MTMR9: variants seen among roughly 807,000 people sequenced by gnomAD.
The protein encoded by MTMR9 is myotubularin related protein 9.
MTMR9 carries 39 observed loss-of-function variants against 69.5 expected under a neutral mutation model. The observed-to-expected ratio is 0.56, with a 90% CI of 0.43 to 0.73. MTMR9 has a LOEUF of 0.73. Among genes scored for constraint, MTMR9 ranks in the 30% least tolerant of loss-of-function variants. The probability of loss-of-function intolerance (pLI) is 0.00; values close to 1 mark genes in which losing one functional copy is unlikely to be tolerated. For missense variants in MTMR9, 900 were observed against 671.2 expected, an observed-to-expected ratio of 1.34 and a Z score of -3.77; for synonymous variants, 354 against 240.8, an observed-to-expected ratio of 1.47 and a Z score of -4.35.
At chr8:11,337,396 C>T in the MTMR9 span, among the ~76,000 whole-genome samples, 1 of 152,324 alleles carries the variant, frequency 6.6e-6, no homozygotes, top group East Asian at 1.9e-4. Context: ...TCTTAACGTT[C>T]TCCAGACCAT....
chr8:11,285,564 T>G (rs1201386536), intron 1 of MTMR9, among the ~76,000 whole-genome samples: 1 of 152,232 alleles, frequency 6.6e-6, no homozygotes, highest in African/African-American at 2.4e-5. Context: ...ATTTCTTACC[T>G]TCTGGGTCAT....
intron 5 of MTMR9, among the ~76,000 whole-genome samples, chr8:11,306,819 G>C (rs529353380): frequency 5.3e-5 from 8 of 152,124 alleles, no homozygotes; most frequent in African/African-American, 1.7e-4. Flanking sequence ...GTGAAACTTT[G>C]TTGTTACCTT....
Position 11,306,311 on chromosome 8 carries a change from C to G in MTMR9, c.713C>G (p.Ser238Cys). 6.2e-7 allele frequency: 1 copy of G among 1,614,084 alleles called. No individual in the cohort carries two copies. Among genetic ancestry groups the G allele is most frequent in the Non-Finnish European group, 8.5e-7 (1 of 1,179,956 alleles). ...GKRGYIIDTR[S>C]LNVAQQTRAK... is the part of the protein sequence containing the mutation. The stretch of plus-strand genomic sequence containing the variant: ...CGTGGCTACATCATTGACACCCGAT[C>G]CCTGAACGTGGCTCAGCAAACTAGA... Residue 238 changes from serine (S) to cysteine (C), a missense_variant, in exon 5 of 10, where the codon TCC becomes TGC. Coordinates refer to ENST00000221086, the MANE Select transcript of MTMR9 (RefSeq NM_015458.4).
At chr8:11,319,595 C>T in intron 8 of MTMR9, 92 bp from the exon 9 acceptor site, 1 of 1,310,448 alleles carries the variant, frequency 7.6e-7, no homozygotes, top group Non-Finnish European at 1.1e-6. Flanking sequence ...TATCTTCTTT[C>T]ATACTGAGAA....
At chr8:11,304,412 A>G (rs1423912691) in intron 3 of MTMR9, among the ~76,000 whole-genome samples, 3 of 152,214 alleles carry the variant, frequency 2.0e-5, no homozygotes, top group Admixed American at 6.5e-5. Context: ...AGGAAGAAGT[A>G]GGATGATGTT....
chr8:11,314,050 A>G (rs1300266665), intron 6 of MTMR9, among the ~76,000 whole-genome samples: 2 of 152,228 alleles, frequency 1.3e-5, no homozygotes, highest in African/African-American at 4.8e-5. Flanking sequence ...ATGACTTACA[A>G]ACATGGAAGG....
intron 5 of MTMR9, among the ~76,000 whole-genome samples, 164 bp from the exon 6 acceptor site, chr8:11,309,363 T>C (rs897799257): frequency 2.0e-5 from 3 of 152,232 alleles, no homozygotes; most frequent in Non-Finnish European, 2.9e-5. Flanking sequence ...TGTTTAAATA[T>C]TAGTTTTTCA....
chr8:11,294,117 A>G (rs915457109), intron 1 of MTMR9, among the ~76,000 whole-genome samples: 1 of 152,218 alleles, frequency 6.6e-6, no homozygotes, highest in South Asian at 2.1e-4. Context: ...GTATCACTGG[A>G]TGAATTTGGG....
At chr8:11,292,191 A>G (rs1037010574) in intron 1 of MTMR9, among the ~76,000 whole-genome samples, 1 of 152,152 alleles carries the variant, frequency 6.6e-6, no homozygotes, top group East Asian at 1.9e-4. Flanking sequence ...GCTGAGTACT[A>G]AGTGTCCATT....
chr8:11,322,737 A>T lies in MTMR9; in HGVS notation c.1599A>T (p.Arg533=). ...KELQAKVNIL[R]RQLAELETED... Reference sequence around the variant, plus strand: ...TACAAGCAAAAGTCAATATCCTTCGAAGGCAGTTGGCAGAACTGGAAACAG... The same window carrying T: ...TACAAGCAAAAGTCAATATCCTTCGTAGGCAGTTGGCAGAACTGGAAACAG... The change falls in exon 10 of 10, where the codon CGA becomes CGT. Residue 533 remains arginine (R), a synonymous_variant. Transcript: ENST00000221086. 1 of 1,614,126 alleles carries T rather than the reference A, an allele frequency of 6.2e-7. No homozygotes were observed. The highest frequency in any genetic ancestry group is 1.1e-5 in the South Asian group (1 of 91,068).
At chr8:11,315,448 G>A (rs746594426) in intron 7 of MTMR9, among the ~76,000 whole-genome samples, 24 of 152,140 alleles carry the variant, frequency 1.6e-4, no homozygotes, top group Non-Finnish European at 2.6e-4. Context: ...CCTTTTGCTC[G>A]TGCTGCTCCA....
At chr8:11,306,125 T>G in intron 4 of MTMR9, 65 bp from the exon 5 acceptor site, 1 of 1,391,754 alleles carries the variant, frequency 7.2e-7, no homozygotes, top group Non-Finnish European at 1.0e-6. Flanking sequence ...CTAGCTAATT[T>G]CTTTCTGTTT....
At chr8:11,286,222 G>A (rs187646645) in intron 1 of MTMR9, among the ~76,000 whole-genome samples, 51 of 151,788 alleles carry the variant, frequency 3.4e-4, no homozygotes, top group African/African-American at 1.2e-3. Flanking sequence ...ACAGTTCTGG[G>A]ATTACAGGCG....
rs1768262594 is a variant in MTMR9 at position 11,323,025 on chromosome 8, A to G, written c.*237A>G. The G allele has an allele frequency of 3.0e-6, 1 of 334,418 alleles. No individual in the cohort carries two copies. Among genetic ancestry groups the G allele is most frequent in the African/African-American group, 2.1e-5 (1 of 47,000 alleles). 20.7% of individuals were successfully genotyped at this position (334,418 alleles called of 1,614,324 possible). A position where few individuals can be genotyped will look rare whatever the true frequency, so the allele number is the denominator to read the frequency against. ...TGGGAGCCGGAAGGAGGTGCTAGTC[A>G]TTTTATTTTTACGTGAAATAGATGA... On this transcript the variant is annotated 3_prime_UTR_variant, in exon 10 of 10. Transcript: ENST00000221086.
intron 9 of MTMR9, among the ~76,000 whole-genome samples, 195 bp from the exon 10 acceptor site, chr8:11,322,430 A>C (rs1035726744): frequency 6.6e-6 from 1 of 152,236 alleles, no homozygotes; most frequent in Non-Finnish European, 1.5e-5. Flanking sequence ...CTTCTCAAAT[A>C]TTGTATTCAA....
chr8:11,301,445 A>G (rs1025678537), intron 3 of MTMR9, among the ~76,000 whole-genome samples: 3 of 152,234 alleles, frequency 2.0e-5, no homozygotes, highest in Non-Finnish European at 4.4e-5. Context: ...ACAGTTGGAT[A>G]TCCATATGTA....
At position 11,306,266 on chromosome 8, in the gene MTMR9, C is replaced by G; in HGVS notation, c.668C>G (p.Ala223Gly). ...AAGGAGGACGAGAAGCTGATAAATG[C>G]TACCCTCAGGGCTGGAAAGCGTGGC... The part of the protein sequence containing the change: ...RCKEDEKLIN[A>G]TLRAGKRGYI... The change falls in exon 5 of 10, where the codon GCT becomes GGT. Residue 223 changes from alanine (A) to glycine (G), a missense_variant. Physicochemically the swap from Ala to Gly is moderately conservative, Grantham distance 60. Coordinates refer to ENST00000221086, the MANE Select transcript of MTMR9 (RefSeq NM_015458.4). The G allele has an allele frequency of 1.2e-6, 2 of 1,614,016 alleles. No individual in the cohort carries two copies. The highest frequency in any genetic ancestry group is 1.7e-6 in the Non-Finnish European group (2 of 1,179,954).
intron 3 of MTMR9, among the ~76,000 whole-genome samples, chr8:11,301,149 G>T (rs1463356716): frequency 1.3e-5 from 2 of 152,122 alleles, no homozygotes. Context: ...ATTCTAATAG[G>T]TGTTTTTGTA....
At chr8:11,299,909 A>T (rs1213836718) in intron 2 of MTMR9, 114 bp from the exon 3 acceptor site, 2 of 1,238,552 alleles carry the variant, frequency 1.6e-6, no homozygotes, top group Non-Finnish European at 1.1e-6. Context: ...TTAGAGAAAC[A>T]TTCTGGGTGC....
Sources: allele counts gnomAD v4.1 joint callset (sites outside exome capture counted in the v4.1 genomes callset), GRCh38; gene constraint gnomAD v4.1.1; transcripts MANE v1.5; gene names NCBI Gene and HGNC (gene_info 2026-07-23, HGNC 2026-07-21).